Variants in IPO11 observed in about 807,000 individuals in gnomAD.
IPO11 encodes importin-11.
In IPO11, 66 loss-of-function variants were observed where a neutral mutation model predicts 143.2. That is an observed-to-expected ratio of 0.46 (90% CI 0.38 to 0.57). The LOEUF is 0.57. IPO11 is among the 20% of genes least tolerant of loss of function. The probability of loss-of-function intolerance (pLI) is 0.00; values close to 1 mark genes in which losing one functional copy is unlikely to be tolerated. For missense variants in IPO11, 1,026 were observed against 1,141.0 expected (o/e 0.90, Z 1.45); for synonymous variants, 385 against 377.8 (o/e 1.02, Z -0.22).
chr5:62,475,919 TTG>T (rs1561326064), intron 8 of IPO11, among the ~76,000 whole-genome samples: 1 of 152,220 alleles, frequency 6.6e-6, no homozygotes, highest in African/African-American at 2.4e-5. Context: ...AAGTGTGTGT[TTG>T]TGTGTTTGGG....
intron 19 of IPO11, among the ~76,000 whole-genome samples, chr5:62,513,427 C>T (rs1207659927): frequency 7.3e-6 from 1 of 136,804 alleles, no homozygotes; most frequent in Admixed American, 7.1e-5. Context: ...CCCCCCCCAC[C>T]TCCCTCCCGG....
intron 7 of IPO11, 72 bp downstream of exon 7, chr5:62,470,380 T>G: frequency 7.7e-7 from 1 of 1,295,426 alleles, no homozygotes; most frequent in South Asian, 1.2e-5. Context: ...AGAGTGCTCT[T>G]TTTATTTGGC....
intron 12 of IPO11, among the ~76,000 whole-genome samples, 158 bp from the exon 13 acceptor site, chr5:62,487,613 A>G (rs76546873): frequency 1.5e-5 from 2 of 137,026 alleles, no homozygotes; most frequent in African/African-American, 5.9e-5. Flanking sequence ...TGTTGGTTAT[A>G]AAAAAATGGT....
intron 9 of IPO11, among the ~76,000 whole-genome samples, chr5:62,478,894 G>A (rs529022405): frequency 3.9e-5 from 6 of 152,236 alleles, no homozygotes; most frequent in South Asian, 2.1e-4. Context: ...ATTGTATGAC[G>A]TGCACACATG....
chr5:62,537,168 A>G (rs763617494), intron 23 of IPO11, 41 bp from the exon 24 acceptor site: 1 of 1,147,846 alleles, frequency 8.7e-7, no homozygotes, highest in East Asian at 2.4e-5. Flanking sequence ...TTGATATTAC[A>G]GATATATTCT....
chr5:62,616,828 G>T (rs1181278239), intron 29 of IPO11, among the ~76,000 whole-genome samples: 1 of 151,548 alleles, frequency 6.6e-6, no homozygotes, highest in Admixed American at 6.6e-5. Context: ...TCTGTCAGCA[G>T]ATGGTCAAGA....
intron 1 of IPO11, chr5:62,413,476 C>T (rs1017530785): frequency 9.9e-5 from 15 of 152,262 alleles, no homozygotes; most frequent in Admixed American, 8.5e-4. Flanking sequence ...TCAGCGACTC[C>T]TGTAGATTTA....
At chr5:62,486,059 C>T (rs2112228919) in intron 12 of IPO11, among the ~76,000 whole-genome samples, 1 of 150,336 alleles carries the variant, frequency 6.7e-6, no homozygotes, top group East Asian at 2.0e-4. Flanking sequence ...CGGCTCACTG[C>T]AAGCTCCGCC....
rs564138183 is a variant in IPO11 at position 62,504,929 on chromosome 5, T to A, written c.1665+31T>A. On this transcript the variant is annotated intron_variant, in intron 18 of 29. Transcript: ENST00000325324. ...AATATACATTTCCAGGTATTTTTTT[T>A]AAAAAACAATTTCTGCTTATGTCTT... 4.9e-5 allele frequency: 64 copies of A among 1,296,930 alleles called. No individual in the cohort carries two copies. In the Middle Eastern group the frequency reaches 5.7e-4, roughly 12 times the overall value. 80.3% of individuals were successfully genotyped at this position (1,296,930 alleles called of 1,614,324 possible).
At chr5:62,467,339 G>A in intron 6 of IPO11, 76 bp downstream of exon 6, 1 of 1,420,572 alleles carries the variant, frequency 7.0e-7, no homozygotes, top group South Asian at 1.4e-5. Flanking sequence ...CTTTAGACGG[G>A]TTTTCTGTTC....
At chr5:62,415,041 A>T (rs774095665) in intron 1 of IPO11, among the ~76,000 whole-genome samples, 2 of 152,196 alleles carry the variant, frequency 1.3e-5, no homozygotes, top group Non-Finnish European at 2.9e-5. Flanking sequence ...ACTAAAATTC[A>T]TGAATGACAA....
chr5:62,525,891 T>C (rs1317800360), intron 20 of IPO11, among the ~76,000 whole-genome samples: 3 of 152,222 alleles, frequency 2.0e-5, no homozygotes. Flanking sequence ...TCTATTAAAA[T>C]GAACAGATGT....
At chr5:62,593,032 T>C (rs1279065763) in intron 28 of IPO11, among the ~76,000 whole-genome samples, 1 of 152,228 alleles carries the variant, frequency 6.6e-6, no homozygotes, top group African/African-American at 2.4e-5. Context: ...TGTTCCTTTG[T>C]CCTCTTTGGA....
At chr5:62,524,985 C>G (rs1056938855) in intron 20 of IPO11, among the ~76,000 whole-genome samples, 1 of 152,168 alleles carries the variant, frequency 6.6e-6, no homozygotes, top group African/African-American at 2.4e-5. Context: ...AAAATACCTA[C>G]TGTGTAATAC....
At chr5:62,485,126 G>A (rs1746352788) in intron 11 of IPO11, among the ~76,000 whole-genome samples, 1 of 152,078 alleles carries the variant, frequency 6.6e-6, no homozygotes, top group South Asian at 2.1e-4. Flanking sequence ...TGGATCAGGT[G>A]ATAGCAGATA....
chr5:62,435,044 A>G (rs1479099060), intron 1 of IPO11, among the ~76,000 whole-genome samples: 3 of 136,028 alleles, frequency 2.2e-5, no homozygotes, highest in Admixed American at 7.8e-5. Flanking sequence ...ATATATATGT[A>G]TATGTGTATA....
At chr5:62,547,387 C>T (rs1743240815) in intron 24 of IPO11, among the ~76,000 whole-genome samples, 1 of 152,100 alleles carries the variant, frequency 6.6e-6, no homozygotes, top group Non-Finnish European at 1.5e-5. Context: ...ATCATTATTA[C>T]TGACATCACA....
At chr5:62,476,892 A>T in intron 9 of IPO11, 139 bp downstream of exon 9, 1 of 936,466 alleles carries the variant, frequency 1.1e-6, no homozygotes, top group South Asian at 2.8e-5. Context: ...GAAAGCTAAA[A>T]ATTGCTTTTA....
chr5:62,452,254 A>C (rs1317323189), intron 5 of IPO11, among the ~76,000 whole-genome samples: 1 of 150,884 alleles, frequency 6.6e-6, no homozygotes, highest in Non-Finnish European at 1.5e-5. Context: ...CAAAAAAAAT[A>C]AAATAAAATA....
Sources: allele counts gnomAD v4.1 joint callset (sites outside exome capture counted in the v4.1 genomes callset), GRCh38; gene constraint gnomAD v4.1.1; transcripts MANE v1.5; gene names NCBI Gene and HGNC (gene_info 2026-07-23, HGNC 2026-07-21).